Variants in KCNAB1 observed in about 807,000 individuals in gnomAD.
KCNAB1 encodes the protein voltage-gated potassium channel subunit beta-1.
Under a neutral mutation model 64.6 loss-of-function variants are expected in KCNAB1, and 35 were observed. That is an observed-to-expected ratio of 0.54 (90% CI 0.41 to 0.72). The LOEUF is 0.72. KCNAB1 is among the 30% of genes least tolerant of loss of function. KCNAB1 has a pLI of 0.00. For synonymous variants in KCNAB1, 177 were observed against 183.8 expected, an observed-to-expected ratio of 0.96 and a Z score of 0.30; for missense variants, 401 against 512.9, an observed-to-expected ratio of 0.78 and a Z score of 2.11.
At chr3:156,337,783 C>A (rs564759642) in intron 1 of KCNAB1, among the ~76,000 whole-genome samples, 1 of 152,238 alleles carries the variant, frequency 6.6e-6, no homozygotes, top group African/African-American at 2.4e-5. Context: ...AGTGATCCAT[C>A]CCTACCTGAA....
chr3:156,321,379 A>G (rs545597572), intron 1 of KCNAB1, among the ~76,000 whole-genome samples: 3 of 152,298 alleles, frequency 2.0e-5, no homozygotes, highest in African/African-American at 7.2e-5. Context: ...ATATTGGCCC[A>G]TTATATCCTC....
At chr3:156,478,877 G>A (rs1714576146) in intron 8 of KCNAB1, among the ~76,000 whole-genome samples, 1 of 152,018 alleles carries the variant, frequency 6.6e-6, no homozygotes, top group Non-Finnish European at 1.5e-5. Flanking sequence ...GACAAAAAGC[G>A]AGTCCTCTCA....
intron 1 of KCNAB1, chr3:156,175,974 G>C (rs1712342581): frequency 3.0e-6 from 3 of 1,010,162 alleles, no homozygotes; most frequent in Non-Finnish European, 4.7e-6. Flanking sequence ...GTATTCTCCT[G>C]CTTGTGGTAT....
intron 2 of KCNAB1, among the ~76,000 whole-genome samples, chr3:156,431,931 C>T (rs746693996): frequency 5.9e-5 from 9 of 152,282 alleles, no homozygotes; most frequent in Middle Eastern, 3.4e-3. Flanking sequence ...TGTATCCATC[C>T]CTGAGCCAAT....
chr3:156,257,005 GAGGTGGTAAC>G (rs931492956), intron 1 of KCNAB1, among the ~76,000 whole-genome samples: 3 of 152,224 alleles, frequency 2.0e-5, no homozygotes, highest in Non-Finnish European at 4.4e-5. Flanking sequence ...TTTAGGCTGA[GAGGTGGTAAC>G]AGACCCAGCC....
At chr3:156,309,052 T>C (rs1721704107) in intron 1 of KCNAB1, among the ~76,000 whole-genome samples, 1 of 152,154 alleles carries the variant, frequency 6.6e-6, no homozygotes, top group African/African-American at 2.4e-5. Flanking sequence ...AAAGAAAAAA[T>C]AATCTTCCCT....
intron 11 of KCNAB1, among the ~76,000 whole-genome samples, chr3:156,519,355 C>G (rs2249499): frequency 0.16 from 25,029 of 151,990 alleles, 2,215 homozygotes; most frequent in East Asian, 0.31. Flanking sequence ...TCATTTGTGT[C>G]TCCCATATCA....
At chr3:156,152,148 G>A (rs1281912220) in intron 1 of KCNAB1, among the ~76,000 whole-genome samples, 1 of 152,206 alleles carries the variant, frequency 6.6e-6, no homozygotes, top group Non-Finnish European at 1.5e-5. Flanking sequence ...CAAAGCTGAG[G>A]GATCTCATAG....
At position 156,283,966 on chromosome 3, in the gene KCNAB1, C is replaced by T. The variant is rs1414563589; in HGVS notation, c.276-137650C>T. Among the ~76,000 whole-genome samples, 6 of 151,798 alleles carry T rather than the reference C, an allele frequency of 4.0e-5. No homozygotes were observed. In the East Asian group the frequency reaches 5.8e-4, roughly 15 times the overall value. On this transcript the variant is annotated intron_variant, in intron 1 of 13. Transcript: ENST00000490337. ...CGTCTGAAGCCTTCTTCTCTCAGCT[C>T]GTCAAAGTCATTCTCCATCCAGCTT...
At chr3:156,189,520 G>A (rs939040798) in intron 1 of KCNAB1, among the ~76,000 whole-genome samples, 10 of 152,160 alleles carry the variant, frequency 6.6e-5, no homozygotes, top group Non-Finnish European at 1.2e-4. Context: ...GGGGTGTTGG[G>A]GGACAGGGTG....
chr3:156,125,681 C>T (rs1454744371), intron 1 of KCNAB1, among the ~76,000 whole-genome samples: 1 of 152,160 alleles, frequency 6.6e-6, no homozygotes, highest in Non-Finnish European at 1.5e-5. Context: ...TATTTTCTCT[C>T]TCTGCTCTCA....
intron 1 of KCNAB1, among the ~76,000 whole-genome samples, chr3:156,150,462 A>G (rs1338990047): frequency 2.0e-5 from 3 of 152,142 alleles, no homozygotes; most frequent in Non-Finnish European, 2.9e-5. Flanking sequence ...AAAATACTGG[A>G]AATTCAGGGC....
chr3:156,401,122 G>GA (rs2108191004), intron 1 of KCNAB1, among the ~76,000 whole-genome samples: 1 of 152,258 alleles, frequency 6.6e-6, no homozygotes, highest in African/African-American at 2.4e-5. Context: ...TGACATGGGG[G>GA]ATCTCAGACC....
intron 7 of KCNAB1, among the ~76,000 whole-genome samples, chr3:156,470,564 G>A (rs915281339): frequency 2.6e-5 from 4 of 152,174 alleles, no homozygotes; most frequent in African/African-American, 9.7e-5. Context: ...AAAAGAAATA[G>A]TTTGGTAGGT....
intron 1 of KCNAB1, chr3:156,291,439 G>T: frequency 2.0e-6 from 2 of 1,007,476 alleles, no homozygotes; most frequent in Non-Finnish European, 2.4e-6. Context: ...GATGCTGGCG[G>T]CGCATCTTGC....
intron 11 of KCNAB1, among the ~76,000 whole-genome samples, chr3:156,523,478 T>C (rs1431803680): frequency 6.6e-6 from 1 of 152,168 alleles, no homozygotes; most frequent in East Asian, 1.9e-4. Flanking sequence ...TACTTTTTTT[T>C]TTGCTACATT....
At chr3:156,144,458 AG>A (rs1206403174) in intron 1 of KCNAB1, among the ~76,000 whole-genome samples, 16 of 152,252 alleles carry the variant, frequency 1.1e-4, no homozygotes, top group Admixed American at 6.5e-4. Context: ...ATGTAATAAA[AG>A]GGTTGTGCAG....
chr3:156,305,451 A>C (rs987316903), intron 1 of KCNAB1, among the ~76,000 whole-genome samples: 1 of 152,164 alleles, frequency 6.6e-6, no homozygotes, highest in Non-Finnish European at 1.5e-5. Context: ...ATTGCATTAC[A>C]ATACAACCCT....
intron 1 of KCNAB1, among the ~76,000 whole-genome samples, chr3:156,228,759 A>G (rs1427815024): frequency 6.6e-6 from 1 of 152,198 alleles, no homozygotes; most frequent in Non-Finnish European, 1.5e-5. Context: ...AACCTCAGTG[A>G]CAGCCACTAT....
Sources: allele counts gnomAD v4.1 joint callset (sites outside exome capture counted in the v4.1 genomes callset), GRCh38; gene constraint gnomAD v4.1.1; transcripts MANE v1.5; gene names NCBI Gene and HGNC (gene_info 2026-07-23, HGNC 2026-07-21).